The following ADAMTSL3 variants were observed in gnomAD, a reference collection of about 807,000 sequenced individuals.
The protein encoded by ADAMTSL3 is ADAMTS-like protein 3.
Under a neutral mutation model 201.7 loss-of-function variants are expected in ADAMTSL3, and 128 were observed. The observed-to-expected ratio is 0.63, with a 90% confidence interval of 0.55 to 0.73. The LOEUF is 0.73. Among genes scored for constraint, ADAMTSL3 ranks in the 30% least tolerant of loss-of-function variants. The pLI, the probability that ADAMTSL3 is intolerant of heterozygous loss-of-function variation, is 0.00. For missense variants in ADAMTSL3, 1,990 were observed against 2,119.6 expected, an observed-to-expected ratio of 0.94 and a Z score of 1.20; for synonymous variants, 738 against 748.4, an observed-to-expected ratio of 0.99 and a Z score of 0.23.
Position 83,880,138 on chromosome 15 carries a change from C to T in ADAMTSL3, c.961-4963C>T, listed in dbSNP as rs538467817. ...TAGTGCCTTTCTTCAGCTTGAGGTC[C>T]AGGTGTCTCATGAATCTGTGGCTTG... On this transcript the variant is annotated intron_variant, in intron 9 of 29. Transcript: ENST00000286744. Among the ~76,000 whole-genome samples, 4 of 152,048 alleles carry T rather than the reference C, an allele frequency of 2.6e-5. No individual in the cohort carries two copies. In the South Asian group the frequency reaches 8.3e-4, roughly 32 times the overall value.
At position 84,002,598 on chromosome 15, in the gene ADAMTSL3, G is replaced by C. The variant is rs1439888092; in HGVS notation, c.3973+11384G>C. Among the ~76,000 whole-genome samples, 4 of 152,160 alleles carry C rather than the reference G, an allele frequency of 2.6e-5. No homozygotes were observed. In the East Asian group the frequency reaches 7.7e-4, roughly 29 times the overall value. On this transcript the variant is annotated intron_variant, in intron 23 of 29. Coordinates refer to ENST00000286744, the MANE Select transcript of ADAMTSL3 (RefSeq NM_207517.3). ...ACCTTTCTTCCATGCACCATCATTA[G>C]ACCAATGGGTAAACCAATGGTTTTC...
At chr15:83,959,768 T>A (rs542333261) in intron 19 of ADAMTSL3, among the ~76,000 whole-genome samples, 1 of 152,340 alleles carries the variant, frequency 6.6e-6, no homozygotes, top group East Asian at 1.9e-4. Flanking sequence ...TGAATGATAA[T>A]TAATGGCACT....
At chr15:83,786,811 T>C (rs1186520933) in intron 4 of ADAMTSL3, among the ~76,000 whole-genome samples, 1 of 152,208 alleles carries the variant, frequency 6.6e-6, no homozygotes. Context: ...GTGTTGTGCT[T>C]CCATTATAGT....
chr15:83,853,906 C>CTCTG (rs1372973378), intron 7 of ADAMTSL3, among the ~76,000 whole-genome samples: 1 of 146,472 alleles, frequency 6.8e-6, no homozygotes, highest in Non-Finnish European at 1.5e-5. Flanking sequence ...ATCACTCTAT[C>CTCTG]TCTATCTATC....
intron 2 of ADAMTSL3, among the ~76,000 whole-genome samples, chr15:83,673,500 GC>G (rs1209836907): frequency 2.0e-5 from 3 of 152,116 alleles, no homozygotes; most frequent in Admixed American, 1.3e-4. Context: ...TATGCTGTCT[GC>G]TGACCCTCTC....
chr15:83,743,296 G>T (rs996250783), intron 3 of ADAMTSL3, among the ~76,000 whole-genome samples: 27 of 151,990 alleles, frequency 1.8e-4, no homozygotes, highest in Non-Finnish European at 8.8e-5. Flanking sequence ...GGTGGATCAT[G>T]AGGTCAGGAG....
intron 4 of ADAMTSL3, among the ~76,000 whole-genome samples, chr15:83,773,864 C>A (rs1334685702): frequency 6.6e-6 from 1 of 152,200 alleles, no homozygotes; most frequent in East Asian, 1.9e-4. Flanking sequence ...GACCCAGGAG[C>A]ACTGGACACT....
chr15:83,937,587 A>C (rs973640046), intron 17 of ADAMTSL3, among the ~76,000 whole-genome samples: 6 of 150,912 alleles, frequency 4.0e-5, no homozygotes, highest in Non-Finnish European at 5.9e-5. Flanking sequence ...GTGATGAAAT[A>C]ATCTGTACAC....
intron 2 of ADAMTSL3, among the ~76,000 whole-genome samples, chr15:83,697,230 A>G (rs936686315): frequency 6.6e-6 from 1 of 152,216 alleles, no homozygotes; most frequent in African/African-American, 2.4e-5. Flanking sequence ...TCAATCTGAG[A>G]AATAGGAAAA....
intron 19 of ADAMTSL3, among the ~76,000 whole-genome samples, chr15:83,959,082 T>C (rs1338184918): frequency 6.6e-6 from 1 of 152,146 alleles, no homozygotes; most frequent in African/African-American, 2.4e-5. Context: ...ATTGCCATAT[T>C]GAAAGGGCAC....
chr15:83,754,012 T>G (rs1309680848), intron 3 of ADAMTSL3, among the ~76,000 whole-genome samples: 1 of 152,254 alleles, frequency 6.6e-6, no homozygotes, highest in African/African-American at 2.4e-5. Context: ...GGTTTGGTTG[T>G]GTGGACACAC....
chr15:83,804,582 T>C (rs1367622676), intron 4 of ADAMTSL3, 68 bp from the exon 5 acceptor site: 1 of 1,073,584 alleles, frequency 9.3e-7, no homozygotes, highest in Admixed American at 3.1e-5. Flanking sequence ...GCTTTTTTTT[T>C]TTTTTTTTAA....
intron 7 of ADAMTSL3, 88 bp from the exon 8 acceptor site, chr15:83,858,678 C>T: frequency 3.0e-6 from 3 of 984,246 alleles, no homozygotes; most frequent in South Asian, 1.5e-5. Flanking sequence ...GAATATTTTG[C>T]AGACGCCCCC....
chr15:83,699,603 A>G (rs551681332), intron 2 of ADAMTSL3, among the ~76,000 whole-genome samples: 10 of 152,076 alleles, frequency 6.6e-5, no homozygotes, highest in Non-Finnish European at 5.9e-5. Context: ...ATACTCTTCT[A>G]TTGTTCTCCG....
chr15:84,015,498 A>C (rs956129394), intron 24 of ADAMTSL3, among the ~76,000 whole-genome samples: 1 of 152,172 alleles, frequency 6.6e-6, no homozygotes, highest in Non-Finnish European at 1.5e-5. Context: ...ATGATAGCAC[A>C]GTGTTGTGGG....
At chr15:83,970,671 T>C (rs914687771) in intron 20 of ADAMTSL3, 34 bp downstream of exon 20, 14 of 1,608,480 alleles carry the variant, frequency 8.7e-6, no homozygotes, top group Non-Finnish European at 1.1e-5. Flanking sequence ...CACCAAGATA[T>C]GCTGATTCTG....
chr15:83,780,121 A>G (rs977342621), intron 4 of ADAMTSL3, among the ~76,000 whole-genome samples: 1 of 152,116 alleles, frequency 6.6e-6, no homozygotes, highest in African/African-American at 2.4e-5. Flanking sequence ...CATTCGAAAG[A>G]TCAATGAGCC....
chr15:83,672,020 C>T (rs2061335632), intron 2 of ADAMTSL3, among the ~76,000 whole-genome samples: 1 of 152,092 alleles, frequency 6.6e-6, no homozygotes, highest in East Asian at 1.9e-4. Context: ...TAAGTTGTAC[C>T]ATTAGTAGCC....
chr15:84,003,976 A>G (rs929163325), intron 23 of ADAMTSL3, among the ~76,000 whole-genome samples: 1 of 152,150 alleles, frequency 6.6e-6, no homozygotes, highest in Admixed American at 6.5e-5. Flanking sequence ...GGAAATAAGA[A>G]AGCATGCAAG....
Sources: gnomAD v4.1 joint callset for allele counts (sites outside exome capture counted in the v4.1 genomes callset) on GRCh38, gnomAD v4.1.1 for gene constraint, MANE v1.5 for transcripts, NCBI Gene and HGNC (gene_info 2026-07-23, HGNC 2026-07-21) for gene names.